The following RNF213 variants were observed in gnomAD, a reference collection of about 807,000 sequenced individuals.
RNF213 encodes ring finger protein 213, also known as E3 ubiquitin-protein ligase RNF213.
In RNF213, 341 loss-of-function variants were observed where a neutral mutation model predicts 514.4. The observed-to-expected ratio is 0.66, with a 90% CI of 0.61 to 0.73. RNF213 has a LOEUF of 0.73. Among genes scored for constraint, RNF213 ranks in the 30% least tolerant of loss-of-function variants. The pLI is 0.00. For missense variants in RNF213, 5,767 were observed against 6,615.6 expected (o/e 0.87, Z 4.45); for synonymous variants, 2,655 against 2,658.2 (o/e 1.00, Z 0.04).
intron 54 of RNF213, 92 bp from the exon 55 acceptor site, chr17:80,379,528 C>T (rs975168934): frequency 1.3e-5 from 15 of 1,190,430 alleles, no homozygotes; most frequent in East Asian, 1.2e-4. Flanking sequence ...TCACGTCTGC[C>T]GGTGATAAGG....
rs1367327704 is a variant in RNF213 at position 80,398,379 on chromosome 17, A to T, written c.*4881A>T. ...ACCCCACTAGGAACTATGCTGAAAA[A>T]TTTCAGGAAAGGATTTAAGGGAGAC... On this transcript the variant is annotated 3_prime_UTR_variant, in exon 68 of 68. Transcript: ENST00000582970. The T allele has an allele frequency of 6.6e-6, 1 of 152,152 alleles. No homozygotes were observed. The highest frequency in any genetic ancestry group is 2.4e-5 in the African/African-American group (1 of 41,408). 9.4% of individuals were successfully genotyped at this position (152,152 alleles called of 1,614,324 possible). A position where few individuals can be genotyped will look rare whatever the true frequency, so the allele number is the denominator to read the frequency against.
At chr17:80,350,554 A>G (rs1182165642) in intron 31 of RNF213, among the ~76,000 whole-genome samples, 158 bp downstream of exon 31, 4 of 152,252 alleles carry the variant, frequency 2.6e-5, no homozygotes, top group African/African-American at 9.6e-5. Flanking sequence ...GGGATTAGGG[A>G]AACTGAAGAG....
Position 80,393,615 on chromosome 17 carries a change from G to A in RNF213, c.*117G>A, listed in dbSNP as rs373414070. ...TGCATTCAGAAGGAGAGCTGTCAGC[G>A]TAGCACCGAATTCAAGACCAAGGCG... On this transcript the variant is annotated 3_prime_UTR_variant, in exon 68 of 68. Transcript: ENST00000582970. 58 of 1,175,816 alleles carry A rather than the reference G, an allele frequency of 4.9e-5. 1 individual carries two copies. Among genetic ancestry groups the A allele is most frequent in the African/African-American group, 1.4e-4 (9 of 65,526 alleles). 72.8% of individuals were successfully genotyped at this position (1,175,816 alleles called of 1,614,324 possible).
intron 3 of RNF213, among the ~76,000 whole-genome samples, chr17:80,285,333 G>A (rs1458864448): frequency 6.6e-6 from 1 of 152,238 alleles, no homozygotes; most frequent in Non-Finnish European, 1.5e-5. Context: ...AACTCAGGCA[G>A]GCCCTCTAAA....
In RNF213 at chr17:80,397,388, G is replaced by A. The variant is rs2080686278; in HGVS notation, c.*3890G>A. The A allele has an allele frequency of 1.3e-5, 2 of 152,028 alleles. No individual in the cohort carries two copies. Among genetic ancestry groups the A allele is most frequent in the South Asian group, 4.2e-4 (2 of 4,818 alleles). The allele number at this position is 152,028 out of a possible 1,614,324, so 9.4% of individuals were successfully genotyped here. A position where few individuals can be genotyped will look rare whatever the true frequency, so the allele number is the denominator to read the frequency against. ...CCAATTTCTGCCTCCAAAGAGAGAA[G>A]TAAAAACTAAAAGGCAGAAATGAAA... On this transcript the variant is annotated 3_prime_UTR_variant, in exon 68 of 68. Transcript: ENST00000582970.
intron 36 of RNF213, among the ~76,000 whole-genome samples, chr17:80,357,491 G>T (rs959879255): frequency 6.6e-6 from 1 of 152,082 alleles, no homozygotes; most frequent in African/African-American, 2.4e-5. Flanking sequence ...AGATAAACAT[G>T]TGCCTTCTTG....
At chr17:80,268,645 G>GTCTA (rs76458306) in intron 2 of RNF213, among the ~76,000 whole-genome samples, 79,067 of 151,086 alleles carry the variant, frequency 0.52, 21,303 homozygotes, top group African/African-American at 0.66. Context: ...CCGTTTATCT[G>GTCTA]TCTATCTATC....
intron 36 of RNF213, among the ~76,000 whole-genome samples, chr17:80,357,741 G>GCGGGAGGATTACTTGTGCC (rs2078887833): frequency 6.6e-6 from 1 of 152,216 alleles, no homozygotes; most frequent in Admixed American, 6.5e-5. Flanking sequence ...GGAGGCCAAG[G>GCGGGAGGATTACTTGTGCC]CGGGAGGATT....
At chr17:80,306,491 G>A in intron 12 of RNF213, 23 bp downstream of exon 12, 1 of 1,608,650 alleles carries the variant, frequency 6.2e-7, no homozygotes, top group Non-Finnish European at 8.5e-7. Flanking sequence ...AGTCGGCTCT[G>A]GAGTCCTGGC....
intron 17 of RNF213, chr17:80,320,212 A>T (rs577662080): frequency 6.2e-6 from 1 of 161,070 alleles, no homozygotes; most frequent in African/African-American, 2.4e-5. Flanking sequence ...CTCTGCAGGC[A>T]TAAACAATTG....
rs1436107485 is a variant in RNF213, at chr17:80,359,554, AGT to A, written c.11055-505_11055-504del. Reference sequence around the variant, plus strand: ...AAAAAAAAAAAAAAAAAAAAAAAAGAGTGAGAGAGGGAGGGAGACAGAAGGAA... The same window carrying A: ...AAAAAAAAAAAAAAAAAAAAAAAAGAGAGAGAGGGAGGGAGACAGAAGGAA... On this transcript the variant is annotated intron_variant, in intron 37 of 67. Coordinates refer to ENST00000582970, the MANE Select transcript of RNF213 (RefSeq NM_001256071.3). Among the ~76,000 whole-genome samples, 10 of 131,688 alleles carry A rather than the reference AGT, an allele frequency of 7.6e-5. 1 individual carries two copies. The highest frequency in any genetic ancestry group is 1.1e-4 in the Non-Finnish European group (7 of 62,142). 86.4% of individuals were successfully genotyped at this position (131,688 alleles called of 152,430 possible). A position where few individuals can be genotyped will look rare whatever the true frequency, so the allele number is the denominator to read the frequency against.
intron 32 of RNF213, 96 bp downstream of exon 32, chr17:80,351,899 G>A (rs1305371495): frequency 4.1e-6 from 3 of 727,182 alleles, no homozygotes; most frequent in South Asian, 1.5e-5. Context: ...TCTGTCACCA[G>A]GCTGGAGTGC....
At chr17:80,270,408 A>G (rs1324753264) in intron 2 of RNF213, among the ~76,000 whole-genome samples, 1 of 152,184 alleles carries the variant, frequency 6.6e-6, no homozygotes, top group African/African-American at 2.4e-5. Context: ...AGGCTGGCAC[A>G]TTTACAATGC....
Position 80,346,315 on chromosome 17 carries a change from G to A in RNF213, c.7980G>A (p.Ala2660=), listed in dbSNP as rs114259795. The change falls in exon 29 of 68, where the codon GCG becomes GCA. Residue 2660 remains alanine, a synonymous_variant. Coordinates refer to ENST00000582970, the MANE Select transcript of RNF213 (RefSeq NM_001256071.3). The surrounding 1 kb of genome is among the most constrained non-coding windows in gnomAD (Gnocchi z 8.1). ...WFHEHSAMLL[A]QLNAFLSKSS... ...ACGAGCACAGCGCGATGCTCTTAGC[G>A]CAGCTGAATGCCTTTCTCTCCAAGT... is the stretch of plus-strand genomic sequence containing the variant. The A allele has an allele frequency of 6.7e-4, 1,074 of 1,614,000 alleles. 13 individuals are homozygous for A. The African/African-American group carries it at 0.013, about 20-fold the overall frequency.
At chr17:80,277,080 A>G (rs186174750) in intron 3 of RNF213, among the ~76,000 whole-genome samples, 2,299 of 152,106 alleles carry the variant, frequency 0.015, 29 homozygotes, top group Middle Eastern at 0.054. Context: ...AAACCAAAAA[A>G]AAAACAAAAA....
chr17:80,393,143 G>A (rs1369383743), intron 67 of RNF213, among the ~76,000 whole-genome samples: 2 of 151,780 alleles, frequency 1.3e-5, no homozygotes, highest in Non-Finnish European at 2.9e-5. Context: ...CACGTGCCCA[G>A]CTAATTTTTG....
chr17:80,340,682 G>A lies in RNF213; in HGVS notation c.5989+326G>A, dbSNP rs185552839. ...GTCACCCAGGCTGGAGTACAGTGGC[G>A]TGATCTTAGCTCACTGCAACCTCCG... On this transcript the variant is annotated intron_variant, in intron 26 of 67. Coordinates refer to ENST00000582970, the MANE Select transcript of RNF213 (RefSeq NM_001256071.3). 8 of 265,714 alleles carry A rather than the reference G, an allele frequency of 3.0e-5. No homozygotes were observed. The East Asian group carries it at 4.7e-4, about 16-fold the overall frequency. The allele number at this position is 265,714 out of a possible 1,614,324, so 16.5% of individuals were successfully genotyped here.
At chr17:80,329,305 A>G (rs1202836458) in intron 20 of RNF213, among the ~76,000 whole-genome samples, 1 of 152,246 alleles carries the variant, frequency 6.6e-6, no homozygotes, top group Non-Finnish European at 1.5e-5. Context: ...TCCTCTTACT[A>G]GGTCAGTCGC....
At chr17:80,315,901 A>C (rs1289482318) in intron 15 of RNF213, among the ~76,000 whole-genome samples, 3 of 25,794 alleles carry the variant, frequency 1.2e-4, no homozygotes, top group Non-Finnish European at 2.0e-4. Flanking sequence ...GGTGAAGGTG[A>C]TGGTGGTGAT....
Sources: gnomAD v4.1 joint callset for allele counts (sites outside exome capture counted in the v4.1 genomes callset) on GRCh38, gnomAD v4.1.1 for gene constraint, Gnocchi (gnomAD v3.1) non-coding constraint, MANE v1.5 for transcripts, NCBI Gene and HGNC (gene_info 2026-07-23, HGNC 2026-07-21) for gene names.